Variants in SMC2 observed in about 807,000 individuals in gnomAD.
The protein encoded by SMC2 is structural maintenance of chromosomes protein 2.
In SMC2, 41 loss-of-function variants were observed where a neutral mutation model predicts 142.6. The ratio of observed to expected loss-of-function variants is 0.29; its 90% CI spans 0.22 to 0.37. The LOEUF is 0.37. Among genes scored for constraint, SMC2 ranks in the 10% least tolerant of loss-of-function variants. The pLI, the probability that SMC2 is intolerant of heterozygous loss-of-function variation, is 1.00. For missense variants in SMC2, 1,265 were observed against 1,373.7 expected (o/e 0.92, Z 1.25); for synonymous variants, 463 against 457.5 (o/e 1.01, Z -0.15).
intron 9 of SMC2, among the ~76,000 whole-genome samples, chr9:104,106,835 C>T (rs552096828): frequency 6.6e-6 from 1 of 152,280 alleles, no homozygotes; most frequent in East Asian, 1.9e-4. Flanking sequence ...ATCACCACTG[C>T]ATGTAGTTTG....
At chr9:104,129,520 T>TCGTC in intron 20 of SMC2, 125 bp from the exon 21 acceptor site, 1 of 765,176 alleles carries the variant, frequency 1.3e-6, no homozygotes. Flanking sequence ...AAAAAAAAAT[T>TCGTC]AGTCATTGAA....
intron 9 of SMC2, among the ~76,000 whole-genome samples, chr9:104,109,837 CA>C (rs1259757023): frequency 6.6e-6 from 1 of 151,894 alleles, no homozygotes; most frequent in Non-Finnish European, 1.5e-5. Context: ...ATAAAATATA[CA>C]AAAATCTATT....
rs933027277 is a variant in SMC2 at position 104,130,913 on chromosome 9, C to CT, written c.2991+1077dup. On this transcript the variant is annotated intron_variant, in intron 21 of 24. Transcript: ENST00000374793. ...CCTATATTGTTGATCAGCAGATGGC[C>CT]TTTTTTTTTCTTGTGTTTTGTATCT... Among the ~76,000 whole-genome samples the CT allele has an allele frequency of 2.2e-3, 327 of 151,016 alleles. 1 individual carries two copies. The highest frequency in any genetic ancestry group is 7.2e-3 in the African/African-American group (297 of 41,098).
chr9:104,107,668 C>T (rs116501103), intron 9 of SMC2, among the ~76,000 whole-genome samples: 4,290 of 152,270 alleles, frequency 0.028, 201 homozygotes, highest in African/African-American at 0.098. Context: ...CCAGCACCAA[C>T]AATTTTTGTT....
chr9:104,117,286 C>T (rs75364270), intron 14 of SMC2, among the ~76,000 whole-genome samples: 8,631 of 152,208 alleles, frequency 0.057, 654 homozygotes, highest in African/African-American at 0.18. Context: ...AATACTTTGC[C>T]TCAAATCCTT....
intron 14 of SMC2, 30 bp downstream of exon 14, chr9:104,116,349 T>G (rs749000326): frequency 1.1e-5 from 17 of 1,570,174 alleles, no homozygotes; most frequent in Admixed American, 9.9e-5. Context: ...ATTTATATGT[T>G]TAATCGTCAT....
At chr9:104,090,044 G>A (rs1306198381), upstream of SMC2, among the ~76,000 whole-genome samples, 2 of 152,144 alleles carry the variant, frequency 1.3e-5, no homozygotes, top group Non-Finnish European at 2.9e-5. Context: ...AGCTCTGTAA[G>A]GAAGGCTCAG....
upstream of SMC2, among the ~76,000 whole-genome samples, chr9:104,093,865 G>T (rs1483841992): frequency 1.4e-5 from 1 of 70,990 alleles, no homozygotes; most frequent in African/African-American, 4.7e-5. Flanking sequence ...GCCAACCCGA[G>T]AAGATTCTGA....
chr9:104,113,355 A>G lies in SMC2; in HGVS notation c.1294A>G (p.Asn432Asp). 6.2e-7 allele frequency: 1 copy of G among 1,611,532 alleles called. No homozygotes were observed. The highest frequency in any genetic ancestry group is 8.5e-7 in the Non-Finnish European group (1 of 1,178,814). The change falls in exon 11 of 25, where the codon AAT becomes GAT. Residue 432 changes from asparagine to aspartate, a missense_variant. Coordinates refer to ENST00000374793, the MANE Select transcript of SMC2 (RefSeq NM_006444.3). ...KLKHAQQELK[N>D]KQAEVKKMDS... ...GAAGCATGCTCAACAGGAATTAAAG[A>G]ATAAACAAGCTGAAGTTAAGAAGAT...
chr9:104,097,508 GAAAAAAA>G (rs59646608), intron 3 of SMC2, among the ~76,000 whole-genome samples: 1 of 121,874 alleles, frequency 8.2e-6, no homozygotes, highest in Admixed American at 8.9e-5. Context: ...GCCTCTGGTT[GAAAAAAA>G]AAAAAAAAAA....
intron 3 of SMC2, 74 bp downstream of exon 3, chr9:104,096,371 C>G (rs1364430380): frequency 1.6e-5 from 23 of 1,423,148 alleles, no homozygotes; most frequent in Non-Finnish European, 2.1e-5. Context: ...TATGCCTTTG[C>G]AAAACGTGCT....
At chr9:104,108,218 T>C (rs1832032096) in intron 9 of SMC2, among the ~76,000 whole-genome samples, 2 of 152,176 alleles carry the variant, frequency 1.3e-5, no homozygotes, top group South Asian at 4.1e-4. Flanking sequence ...TCCTGTGGGC[T>C]CCAGTATCCA....
In SMC2 at chr9:104,131,908, A is replaced by G. The variant is rs531871715; in HGVS notation, c.2992-101A>G. The G allele has an allele frequency of 1.9e-5, 12 of 647,676 alleles. No homozygotes were observed. The South Asian group carries it at 2.1e-4, about 11-fold the overall frequency. The allele number at this position is 647,676 out of a possible 1,614,324, so 40.1% of individuals were successfully genotyped here. On this transcript the variant is annotated intron_variant, in intron 21 of 24. Transcript: ENST00000374793. ...CTTTTTGGTAAATAGCAATGTATGT[A>G]TTGTATATAAAAATAATGAAAACTG...
At chr9:104,138,460 A>G (rs1298652003) in intron 24 of SMC2, among the ~76,000 whole-genome samples, 1 of 152,174 alleles carries the variant, frequency 6.6e-6, no homozygotes, top group African/African-American at 2.4e-5. Flanking sequence ...CTAGTTAACT[A>G]CCATAAAGAT....
At chr9:104,113,777 A>G (rs1196214581) in intron 11 of SMC2, among the ~76,000 whole-genome samples, 187 bp from the exon 12 acceptor site, 1 of 152,124 alleles carries the variant, frequency 6.6e-6, no homozygotes, top group Non-Finnish European at 1.5e-5. Flanking sequence ...AAATTGTGTT[A>G]TTTGCCGTTG....
In SMC2 at chr9:104,114,088, G is replaced by A; in HGVS notation, c.1532+7G>A. 7.2e-7 allele frequency: 1 copy of A among 1,395,358 alleles called. No homozygotes were observed. The allele number at this position is 1,395,358 out of a possible 1,614,324, so 86.4% of individuals were successfully genotyped here. ...ATCTTCGATTTGCATACAAGTAAGA[G>A]ACTTAAGCCTTGAATTTTAACATAG... is the stretch of plus-strand genomic sequence containing the variant. On this transcript the variant is annotated splice_region_variant and intron_variant, in intron 12 of 24. Coordinates refer to ENST00000374793, the MANE Select transcript of SMC2 (RefSeq NM_006444.3).
At chr9:104,106,384 T>A (rs538560068) in intron 9 of SMC2, among the ~76,000 whole-genome samples, 1 of 152,282 alleles carries the variant, frequency 6.6e-6, no homozygotes, top group African/African-American at 2.4e-5. Context: ...TTATTTATTT[T>A]ATTTTATTTA....
chr9:104,131,337 A>G (rs1386862232), intron 21 of SMC2, among the ~76,000 whole-genome samples: 1 of 152,198 alleles, frequency 6.6e-6, no homozygotes, highest in Non-Finnish European at 1.5e-5. Context: ...CCATATGGCC[A>G]GAACCTGGGG....
chr9:104,105,049 T>C (rs1831594064), intron 9 of SMC2, among the ~76,000 whole-genome samples: 1 of 152,240 alleles, frequency 6.6e-6, no homozygotes, highest in African/African-American at 2.4e-5. Context: ...GCAGGAAGTG[T>C]TGGCAATCGC....
Sources: allele counts gnomAD v4.1 joint callset (sites outside exome capture counted in the v4.1 genomes callset), GRCh38; gene constraint gnomAD v4.1.1; transcripts MANE v1.5; gene names NCBI Gene and HGNC (gene_info 2026-07-23, HGNC 2026-07-21).